Variants in ANAPC5 observed in about 807,000 individuals in gnomAD.
ANAPC5 encodes anaphase promoting complex subunit 5.
Under a neutral mutation model 91.3 loss-of-function variants are expected in ANAPC5, and 60 were observed. That is an observed-to-expected ratio of 0.66 (90% CI 0.53 to 0.81). ANAPC5 has a LOEUF of 0.81. ANAPC5 is among the 40% of genes least tolerant of loss of function. ANAPC5 has a pLI of 0.00. For synonymous variants in ANAPC5, 340 were observed against 364.1 expected (o/e 0.93, Z 0.75); for missense variants, 690 against 931.5 (o/e 0.74, Z 3.37).
At chr12:121,309,656 C>T in intron 16 of ANAPC5, 45 bp downstream of exon 16, 1 of 1,552,078 alleles carries the variant, frequency 6.4e-7, no homozygotes, top group Non-Finnish European at 8.7e-7. Flanking sequence ...ACTTTCAATG[C>T]TTTCTGGAAT....
chr12:121,343,719 C>G (rs534728875), intron 4 of ANAPC5, among the ~76,000 whole-genome samples: 2 of 152,314 alleles, frequency 1.3e-5, no homozygotes, highest in South Asian at 4.1e-4. Context: ...CATTTATAAA[C>G]AATGTCACCC....
intron 11 of ANAPC5, among the ~76,000 whole-genome samples, chr12:121,321,478 C>T (rs901003969): frequency 6.6e-6 from 1 of 150,834 alleles, no homozygotes; most frequent in Admixed American, 6.6e-5. Context: ...TCTCAGCCTC[C>T]CGAGTAGCAG....
intron 12 of ANAPC5, 62 bp from the exon 13 acceptor site, chr12:121,319,880 T>A: frequency 6.8e-7 from 1 of 1,477,140 alleles, no homozygotes; most frequent in Non-Finnish European, 9.1e-7. Context: ...AATGAGTATA[T>A]GAAAGTATTT....
At position 121,352,340 on chromosome 12, in the gene ANAPC5, TGGCGGCCCGAGACTAAGTCTCGGGCCCGC is replaced by T. The variant is rs782788614; in HGVS notation, c.-29_-1del. ...TAGAGGCTCTCGTGGACGCTGGCCA[TGGCGGCCCGAGACTAAGTCTCGGGCCCGC>T]GGCGCGCTGCCGCCAGTTGTCACCA... On this transcript the variant is annotated 5_prime_UTR_variant, in exon 1 of 17. Transcript: ENST00000261819. 228 of 1,598,842 alleles carry T rather than the reference TGGCGGCCCGAGACTAAGTCTCGGGCCCGC, an allele frequency of 1.4e-4. 1 individual carries two copies. The highest frequency in any genetic ancestry group is 8.1e-4 in the Admixed American group (48 of 58,896).
Position 121,309,878 on chromosome 12 carries a change from T to C in ANAPC5, c.1894-15A>G, listed in dbSNP as rs772717788. ...CCAAGAATGAGCTGAAAAAGAAACA[T>C]CATGGCACTGTACATACCCAAACCC... On this transcript the variant is annotated splice_polypyrimidine_tract_variant and intron_variant, in intron 15 of 16. Transcript: ENST00000261819. 2 of 1,611,442 alleles carry C rather than the reference T, an allele frequency of 1.2e-6. No individual in the cohort carries two copies. Among genetic ancestry groups the C allele is most frequent in the East Asian group, 4.5e-5 (2 of 44,830 alleles).
At chr12:121,350,019 A>G (rs993558385) in intron 1 of ANAPC5, among the ~76,000 whole-genome samples, 2 of 151,960 alleles carry the variant, frequency 1.3e-5, no homozygotes, top group African/African-American at 4.8e-5. Context: ...TTATTTACCA[A>G]AATTTTAGTA....
At chr12:121,328,593 A>G in intron 9 of ANAPC5, 96 bp from the exon 10 acceptor site, 2 of 1,145,714 alleles carry the variant, frequency 1.7e-6, no homozygotes, top group Non-Finnish European at 1.3e-6. Context: ...ATTTCAGCAC[A>G]TGCACAGTGA....
intron 5 of ANAPC5, among the ~76,000 whole-genome samples, chr12:121,337,657 A>G (rs1272406589): frequency 6.6e-6 from 1 of 152,038 alleles, no homozygotes; most frequent in Non-Finnish European, 1.5e-5. Flanking sequence ...CCCCAGCCAT[A>G]TACTACCCAA....
chr12:121,329,028 A>G (rs1447897830), intron 9 of ANAPC5: 1 of 152,646 alleles, frequency 6.6e-6, no homozygotes, highest in East Asian at 1.9e-4. Context: ...GCTTAAATTC[A>G]TGGCAAAAAT....
chr12:121,309,991 G>A (rs1002640425), intron 15 of ANAPC5, 128 bp from the exon 16 acceptor site: 6 of 804,262 alleles, frequency 7.5e-6, no homozygotes, highest in African/African-American at 1.7e-5. Flanking sequence ...CATGTACTAC[G>A]TTAAAACAGG....
In ANAPC5 at chr12:121,347,902, G is replaced by A. The variant is rs782442851; in HGVS notation, c.208-21C>T. 3.9e-6 allele frequency: 6 copies of A among 1,544,918 alleles called. No homozygotes were observed. In the South Asian group the frequency reaches 6.7e-5, roughly 17 times the overall value. ...GGGCCCTGTGTAAAGGAGAGATAGG[G>A]AGGTATGGATTTTAAAGAGCTGGAG... On this transcript the variant is annotated intron_variant, in intron 1 of 16. Transcript: ENST00000261819.
At position 121,327,168 on chromosome 12, in the gene ANAPC5, C is replaced by T. The variant is rs116227311; in HGVS notation, c.1368G>A (p.Ala456=). ...LSMNSLEAVN[A]GVQQNNTESF... ...ACTCTGTGTTGTTCTGCTGCACGCC[C>T]GCATTCACCGCCTCCAGGCTGTTCA... The change falls in exon 11 of 17, where the codon GCG becomes GCA. Residue 456 remains alanine, a synonymous_variant. Transcript: ENST00000261819. 29 of 1,613,522 alleles carry T rather than the reference C, an allele frequency of 1.8e-5. No individual in the cohort carries two copies. Among genetic ancestry groups the T allele is most frequent in the South Asian group, 1.8e-4 (16 of 91,066 alleles).
chr12:121,314,850 C>T (rs959100407), intron 15 of ANAPC5, among the ~76,000 whole-genome samples: 3 of 152,028 alleles, frequency 2.0e-5, no homozygotes, highest in African/African-American at 7.2e-5. Flanking sequence ...AGGCTGGTCT[C>T]GAACTCCTGG....
At chr12:121,351,974 A>G (rs1903908749) in intron 1 of ANAPC5, among the ~76,000 whole-genome samples, 160 bp downstream of exon 1, 1 of 152,014 alleles carries the variant, frequency 6.6e-6, no homozygotes, top group African/African-American at 2.4e-5. Context: ...AACGCTCAGT[A>G]CGTGTTAGCT....
chr12:121,323,714 T>A (rs1371439904), intron 11 of ANAPC5, among the ~76,000 whole-genome samples: 1 of 152,180 alleles, frequency 6.6e-6, no homozygotes, highest in Admixed American at 6.6e-5. Context: ...TTTGTCTACA[T>A]AGACGCTCAG....
At position 121,308,695 on chromosome 12, in the gene ANAPC5, A is replaced by G. The variant is rs377285552; in HGVS notation, c.2057-4T>C. 1.7e-5 allele frequency: 27 copies of G among 1,613,242 alleles called. No individual in the cohort carries two copies. The highest frequency in any genetic ancestry group is 2.1e-5 in the Non-Finnish European group (25 of 1,179,294). ...TTCTCGATGGCAGCCTCCAGAGCTG[A>G]CGGAAAGGGGAAAATAACACACACA... On this transcript the variant is annotated splice_region_variant and splice_polypyrimidine_tract_variant and intron_variant, in intron 16 of 16. Transcript: ENST00000261819.
At chr12:121,320,610 T>C in intron 11 of ANAPC5, 151 bp from the exon 12 acceptor site, 3 of 205,416 alleles carry the variant, frequency 1.5e-5, no homozygotes, top group Non-Finnish European at 1.9e-5. Context: ...CTTTTCTTTC[T>C]TTTTTTTTTT....
intron 6 of ANAPC5, among the ~76,000 whole-genome samples, chr12:121,336,087 A>C (rs1383335609): frequency 6.6e-6 from 1 of 152,264 alleles, no homozygotes; most frequent in Non-Finnish European, 1.5e-5. Flanking sequence ...CTGAATTCAT[A>C]TACAAATTAT....
At chr12:121,352,534 T>G (rs1248290657), upstream of ANAPC5, 2 of 563,462 alleles carry the variant, frequency 3.5e-6, no homozygotes, top group African/African-American at 3.8e-5. Context: ...CCAGTCAGAA[T>G]GTACAAGAGT....
Sources: allele counts gnomAD v4.1 joint callset (sites outside exome capture counted in the v4.1 genomes callset), GRCh38; gene constraint gnomAD v4.1.1; transcripts MANE v1.5; gene names NCBI Gene and HGNC (gene_info 2026-07-23, HGNC 2026-07-21).